SATB2: variants seen among roughly 807,000 people sequenced by gnomAD.
SATB2 encodes the protein SATB homeobox 2, also known as DNA-binding protein SATB2.
A neutral mutation model predicts 73.4 loss-of-function variants in SATB2; 1 was observed. That is an observed-to-expected ratio of 0.01 (90% confidence interval 0.00 to 0.06). The LOEUF (loss-of-function observed/expected upper bound fraction) is 0.06, where lower values mean the gene tolerates loss of function less well. Among genes scored for constraint, SATB2 ranks in the 10% least tolerant of loss-of-function variants. SATB2 has a pLI of 1.00. For missense variants in SATB2, 459 were observed against 945.8 expected, an observed-to-expected ratio of 0.49 and a Z score of 6.75; for synonymous variants, 397 against 367.0, an observed-to-expected ratio of 1.08 and a Z score of -0.93.
chr2:199,373,407 C>G (rs17199092), intron 5 of SATB2, among the ~76,000 whole-genome samples: 2,728 of 152,254 alleles, frequency 0.018, 45 homozygotes, highest in South Asian at 0.037. Flanking sequence ...ATTTGGCAGC[C>G]TTCTACTATC....
intron 9 of SATB2, among the ~76,000 whole-genome samples, chr2:199,322,455 A>C (rs1164268237): frequency 6.6e-6 from 1 of 152,190 alleles, no homozygotes; most frequent in Non-Finnish European, 1.5e-5. Flanking sequence ...CAGTTTAAGA[A>C]GGCTCTATGG....
rs1306135032 is a variant in SATB2 at position 199,308,622 on chromosome 2, C to T, written c.1740+138G>A. 9.9e-6 allele frequency: 7 copies of T among 710,004 alleles called. No homozygotes were observed. The highest frequency in any genetic ancestry group is 2.5e-5 in the East Asian group (1 of 39,306). 44.0% of individuals were successfully genotyped at this position (710,004 alleles called of 1,614,324 possible). ...CACACAGTACCCACTGTGACGACAG[C>T]GTCTTCTGTACTTGGGGACCTGGCA... On this transcript the variant is annotated intron_variant, in intron 10 of 10. Coordinates refer to ENST00000417098, the MANE Select transcript of SATB2 (RefSeq NM_001172509.2). This position sits in a 1 kb window ranked among gnomAD's most constrained non-coding sequence, Gnocchi z 4.6.
In SATB2 at chr2:199,371,558, C is replaced by A. The variant is rs144584525; in HGVS notation, c.598-2851G>T. On this transcript the variant is annotated intron_variant, in intron 5 of 10. Transcript: ENST00000417098. ...TAAACCTGATAAGATACAGTTGATG[C>A]AGAATGGGATGAGTAATAATTAATG... Among the ~76,000 whole-genome samples the A allele has an allele frequency of 9.1e-4, 139 of 152,198 alleles. 2 individuals are homozygous for A. The highest frequency in any genetic ancestry group is 3.3e-3 in the African/African-American group (136 of 41,538).
chr2:199,293,574 G>A (rs1692936936), intron 10 of SATB2, among the ~76,000 whole-genome samples: 1 of 152,060 alleles, frequency 6.6e-6, no homozygotes, highest in African/African-American at 2.4e-5. Context: ...ATAAAAGATT[G>A]AAAAGCTGGT....
intron 10 of SATB2, among the ~76,000 whole-genome samples, chr2:199,273,090 A>G (rs1463639373): frequency 6.6e-6 from 1 of 152,138 alleles, no homozygotes. Flanking sequence ...TAGCTGAGTA[A>G]CCCTGGGCAA....
At chr2:199,328,131 C>T (rs1267062953) in intron 8 of SATB2, among the ~76,000 whole-genome samples, 1 of 152,196 alleles carries the variant, frequency 6.6e-6, no homozygotes, top group Non-Finnish European at 1.5e-5. Flanking sequence ...TACCTTCCTA[C>T]CCCTCACCTA....
chr2:199,429,804 G>C (rs914433697), intron 3 of SATB2, among the ~76,000 whole-genome samples: 15 of 152,150 alleles, frequency 9.9e-5, no homozygotes, highest in Non-Finnish European at 1.9e-4. Context: ...CAGCTATTTG[G>C]GAGCCTAAGG....
At chr2:199,386,694 A>ACG (rs1553497363) in intron 3 of SATB2, among the ~76,000 whole-genome samples, 3 of 142,924 alleles carry the variant, frequency 2.1e-5, no homozygotes, top group African/African-American at 8.1e-5. Context: ...ACACGTGCGC[A>ACG]AGCGCGCGCG....
intron 3 of SATB2, among the ~76,000 whole-genome samples, chr2:199,421,932 T>C (rs1691183680): frequency 6.6e-6 from 1 of 152,246 alleles, no homozygotes; most frequent in Non-Finnish European, 1.5e-5. Context: ...AATGTTGACG[T>C]AAATTACTCT....
At chr2:199,384,187 C>T (rs1214076741) in intron 3 of SATB2, among the ~76,000 whole-genome samples, 1 of 152,188 alleles carries the variant, frequency 6.6e-6, no homozygotes, top group East Asian at 1.9e-4. Flanking sequence ...GAATTAGACA[C>T]ACACAGGTGT....
chr2:199,414,903 G>A (rs1690929292), intron 3 of SATB2, among the ~76,000 whole-genome samples: 1 of 152,106 alleles, frequency 6.6e-6, no homozygotes, highest in Non-Finnish European at 1.5e-5. Flanking sequence ...GGGGTGAATG[G>A]GCAGCAGGCT....
upstream of SATB2, chr2:199,458,582 G>C: frequency 2.3e-6 from 1 of 428,504 alleles, no homozygotes; most frequent in Non-Finnish European, 4.6e-6. Flanking sequence ...GCCCCTAGGC[G>C]CACTCGTCCC....
intron 10 of SATB2, among the ~76,000 whole-genome samples, chr2:199,307,747 G>C (rs369194751): frequency 6.6e-5 from 10 of 152,274 alleles, no homozygotes; most frequent in East Asian, 5.8e-4. Flanking sequence ...AACATGTGAG[G>C]GGGGAGGGAA....
intron 3 of SATB2, among the ~76,000 whole-genome samples, chr2:199,393,310 C>T (rs552087458): frequency 6.6e-6 from 1 of 152,206 alleles, no homozygotes; most frequent in African/African-American, 2.4e-5. Flanking sequence ...GTCACTGTGC[C>T]GTGGCCAGTG....
At chr2:199,418,311 T>C (rs888238248) in intron 3 of SATB2, among the ~76,000 whole-genome samples, 6 of 152,034 alleles carry the variant, frequency 3.9e-5, no homozygotes, top group African/African-American at 1.4e-4. Context: ...TATACTACAA[T>C]GCCCTCAGTC....
intron 9 of SATB2, among the ~76,000 whole-genome samples, chr2:199,316,550 T>C (rs770272368): frequency 1.1e-4 from 16 of 152,126 alleles, no homozygotes; most frequent in Non-Finnish European, 2.4e-4. Context: ...TTTTTAGCTA[T>C]GTCTGGGTTA....
In SATB2 at chr2:199,269,776, T is replaced by C. The variant is rs1436306337; in HGVS notation, c.*2435A>G. 1.3e-5 allele frequency: 2 copies of C among 151,838 alleles called. No homozygotes were observed. Among genetic ancestry groups the C allele is most frequent in the African/African-American group, 2.4e-5 (1 of 41,168 alleles). The allele number at this position is 151,838 out of a possible 1,614,324, so 9.4% of individuals were successfully genotyped here. ...AGTTTCTTCTTCCAAATAGATATTA[T>C]ATGACAGATATTGAATAAATAGACA... On this transcript the variant is annotated 3_prime_UTR_variant, in exon 11 of 11. Transcript: ENST00000417098.
chr2:199,395,302 GAAGA>G (rs1690266258), intron 3 of SATB2, among the ~76,000 whole-genome samples: 1 of 152,108 alleles, frequency 6.6e-6, no homozygotes, highest in African/African-American at 2.4e-5. Context: ...TGCTACACTA[GAAGA>G]AAGTAGTTGA....
intron 3 of SATB2, among the ~76,000 whole-genome samples, chr2:199,388,674 GA>G (rs900463991): frequency 1.2e-4 from 18 of 150,464 alleles, no homozygotes; most frequent in Admixed American, 5.3e-4. Context: ...CTCAACCTGA[GA>G]AAAAAAAATG....
Sources: allele counts gnomAD v4.1 joint callset (sites outside exome capture counted in the v4.1 genomes callset), GRCh38; gene constraint gnomAD v4.1.1; non-coding constraint Gnocchi (gnomAD v3.1); transcripts MANE v1.5; gene names NCBI Gene and HGNC (gene_info 2026-07-23, HGNC 2026-07-21).